Variants in ASIC2 observed in about 807,000 individuals in gnomAD.
ASIC2 encodes acid-sensing ion channel 2.
ASIC2 carries 25 observed loss-of-function variants against 57.3 expected under a neutral mutation model. The observed-to-expected ratio is 0.44, with a 90% CI of 0.32 to 0.61. The LOEUF is 0.61. ASIC2 is among the 20% of genes least tolerant of loss of function. ASIC2 has a pLI of 0.06. For synonymous variants in ASIC2, 319 were observed against 307.5 expected (o/e 1.04, Z -0.39); for missense variants, 641 against 738.1 (o/e 0.87, Z 1.52).
At chr17:33,278,870 AG>A (rs1473532785) in intron 1 of ASIC2, among the ~76,000 whole-genome samples, 1 of 152,200 alleles carries the variant, frequency 6.6e-6, no homozygotes, top group African/African-American at 2.4e-5. Flanking sequence ...TACAGGATAA[AG>A]CCAGACATGG....
At position 33,283,054 on chromosome 17, in the gene ASIC2, C is replaced by T. The variant is rs182624051; in HGVS notation, c.708+8354G>A. ...CTTTGCACTTTGGTTTGACTGACACCCCAGCTAGGCCCTGGCCCTCTGTTA... is the reference window on the plus strand; with the variant it reads ...CTTTGCACTTTGGTTTGACTGACACTCCAGCTAGGCCCTGGCCCTCTGTTA... On this transcript the variant is annotated intron_variant, in intron 1 of 9. Transcript: ENST00000225823. Among the ~76,000 whole-genome samples, 5 of 152,292 alleles carry T rather than the reference C, an allele frequency of 3.3e-5. No homozygotes were observed. The East Asian group carries it at 9.6e-4, about 29-fold the overall frequency.
At chr17:34,083,171 C>G (rs565469919) in intron 1 of ASIC2, among the ~76,000 whole-genome samples, 3 of 115,336 alleles carry the variant, frequency 2.6e-5, no homozygotes, top group Admixed American at 1.0e-4. Context: ...ATCCCTCCCC[C>G]CTCCCCCCAC....
intron 1 of ASIC2, among the ~76,000 whole-genome samples, chr17:33,709,972 G>T (rs1908976748): frequency 6.6e-6 from 1 of 151,946 alleles, no homozygotes; most frequent in Non-Finnish European, 1.5e-5. Context: ...CTTTCTTTTT[G>T]CATTGACCTT....
At chr17:33,509,935 A>G (rs1009694657) in intron 1 of ASIC2, among the ~76,000 whole-genome samples, 3 of 152,228 alleles carry the variant, frequency 2.0e-5, no homozygotes, top group Non-Finnish European at 4.4e-5. Flanking sequence ...CTGTGTAAAA[A>G]GAAGAGTTTG....
intron 1 of ASIC2, among the ~76,000 whole-genome samples, chr17:33,765,174 T>G (rs1910898221): frequency 6.6e-6 from 1 of 152,148 alleles, no homozygotes; most frequent in African/African-American, 2.4e-5. Context: ...GGCGCTATCT[T>G]GGCTCACTGC....
chr17:34,038,351 T>A (rs544747837), intron 1 of ASIC2: 1 of 1,610,776 alleles, frequency 6.2e-7, no homozygotes, highest in African/African-American at 1.3e-5. Context: ...AAAGTAATCA[T>A]ACAGCTTAAC....
intron 1 of ASIC2, among the ~76,000 whole-genome samples, chr17:33,937,204 T>C (rs1916085774): frequency 6.6e-6 from 1 of 152,186 alleles, no homozygotes; most frequent in South Asian, 2.1e-4. Flanking sequence ...TGTGTTCAAG[T>C]GATTCTCCTG....
At chr17:33,033,730 G>A (rs2091896324) in intron 3 of ASIC2, among the ~76,000 whole-genome samples, 1 of 152,250 alleles carries the variant, frequency 6.6e-6, no homozygotes. Context: ...CTTCAGACCA[G>A]AGAAGGCCTG....
chr17:33,993,070 T>C (rs1906050266), intron 1 of ASIC2, among the ~76,000 whole-genome samples: 1 of 152,164 alleles, frequency 6.6e-6, no homozygotes, highest in South Asian at 2.1e-4. Context: ...CATGATTTCA[T>C]GTTTGAGAAT....
chr17:33,059,782 TAA>T (rs2092013128), intron 3 of ASIC2, among the ~76,000 whole-genome samples: 1 of 152,252 alleles, frequency 6.6e-6, no homozygotes, highest in African/African-American at 2.4e-5. Flanking sequence ...ATCAACAGTG[TAA>T]AAGTGTTCCT....
chr17:33,305,184 T>A (rs976083007), intron 1 of ASIC2, among the ~76,000 whole-genome samples: 1 of 152,168 alleles, frequency 6.6e-6, no homozygotes, highest in African/African-American at 2.4e-5. Context: ...GTAGATGTTG[T>A]TTTTATTGGT....
At chr17:33,377,729 A>G (rs1158212697) in intron 1 of ASIC2, among the ~76,000 whole-genome samples, 2 of 152,252 alleles carry the variant, frequency 1.3e-5, no homozygotes, top group Non-Finnish European at 2.9e-5. Context: ...CTCTGTGAAG[A>G]CTTTTTATGT....
At chr17:33,631,123 G>T (rs879349926) in intron 1 of ASIC2, among the ~76,000 whole-genome samples, 1 of 152,170 alleles carries the variant, frequency 6.6e-6, no homozygotes, top group Admixed American at 6.5e-5. Flanking sequence ...ACTGCCACAT[G>T]GTGGTGGGAG....
chr17:33,139,298 C>T (rs914405841), intron 1 of ASIC2, among the ~76,000 whole-genome samples: 1 of 152,220 alleles, frequency 6.6e-6, no homozygotes, highest in Admixed American at 6.5e-5. Flanking sequence ...GGCCAGCCCC[C>T]TCTTCTGACT....
intron 1 of ASIC2, among the ~76,000 whole-genome samples, chr17:33,469,082 G>T (rs1203820273): frequency 2.0e-5 from 3 of 152,256 alleles, no homozygotes; most frequent in Non-Finnish European, 2.9e-5. Flanking sequence ...AAGTTGGCAG[G>T]ATGCTTTCTG....
intron 1 of ASIC2, among the ~76,000 whole-genome samples, chr17:33,248,354 C>T (rs1468840353): frequency 1.3e-5 from 2 of 152,184 alleles, no homozygotes; most frequent in African/African-American, 4.8e-5. Context: ...AGCATTTAGC[C>T]ACTGAGATGC....
At chr17:33,282,560 C>T (rs1030210127) in intron 1 of ASIC2, among the ~76,000 whole-genome samples, 39 of 151,934 alleles carry the variant, frequency 2.6e-4, no homozygotes, top group African/African-American at 8.2e-4. Flanking sequence ...TTATAACCTC[C>T]GCCTCCCAGG....
At chr17:33,594,208 T>C (rs1038472118) in intron 1 of ASIC2, among the ~76,000 whole-genome samples, 1 of 152,250 alleles carries the variant, frequency 6.6e-6, no homozygotes, top group Non-Finnish European at 1.5e-5. Flanking sequence ...TATTCTGACG[T>C]AGGCCATCTA....
chr17:33,293,086 C>A lies in ASIC2; in HGVS notation c.-971G>T, dbSNP rs535773046. On this transcript the variant is annotated 5_prime_UTR_variant, in exon 1 of 10. In the 5' UTR this introduces an upstream ATG that the reference lacks. Transcript: ENST00000225823. ...GGGGACTGCGGGGACCCGCCAACAC[C>A]TCCCGGGGGTGACCCGGACTCGCTG... is the stretch of plus-strand genomic sequence containing the variant. 15 of 967,472 alleles carry A rather than the reference C, an allele frequency of 1.6e-5. No individual in the cohort carries two copies. In the African/African-American group the frequency reaches 2.6e-4, roughly 17 times the overall value. The allele number at this position is 967,472 out of a possible 1,614,324, so 59.9% of individuals were successfully genotyped here. A position where few individuals can be genotyped will look rare whatever the true frequency, so the allele number is the denominator to read the frequency against.
Sources: gnomAD v4.1 joint callset for allele counts (sites outside exome capture counted in the v4.1 genomes callset) on GRCh38, gnomAD v4.1.1 for gene constraint, MANE v1.5 for transcripts, NCBI Gene and HGNC (gene_info 2026-07-23, HGNC 2026-07-21) for gene names.